CELF2: variants seen among roughly 807,000 people sequenced by gnomAD.
CELF2 encodes the protein CUGBP Elav-like family member 2, also known as CUG triplet repeat RNA-binding protein 2.
CELF2 carries 8 observed loss-of-function variants against 62.6 expected under a neutral mutation model. The ratio of observed to expected loss-of-function variants is 0.13; its 90% CI spans 0.07 to 0.23. The LOEUF is 0.23. Among genes scored for constraint, CELF2 ranks in the 10% least tolerant of loss-of-function variants. The pLI is 1.00. For missense variants in CELF2, 333 were observed against 671.0 expected (o/e 0.50, Z 5.56); for synonymous variants, 258 against 250.0 (o/e 1.03, Z -0.30).
At chr10:11,197,025 A>AAAAGAAAGAAAGAAAG (rs774383276) in intron 2 of CELF2, among the ~76,000 whole-genome samples, 982 of 26,122 alleles carry the variant, frequency 0.038, 237 homozygotes, top group East Asian at 0.085. Flanking sequence ...AGAAAGAAAG[A>AAAAGAAAGAAAGAAAG]AAAGAAAGAA....
the CELF2 span, among the ~76,000 whole-genome samples, chr10:10,621,506 C>A: frequency 2.6e-5 from 4 of 152,164 alleles, no homozygotes; most frequent in Non-Finnish European, 5.9e-5. Context: ...TCAGCAGGCA[C>A]AGAAATCCCT....
intron 2 of CELF2, among the ~76,000 whole-genome samples, chr10:10,981,853 A>G (rs1329864195): frequency 6.6e-6 from 1 of 152,140 alleles, no homozygotes; most frequent in Non-Finnish European, 1.5e-5. Context: ...ACCGAGGCTT[A>G]GAAAGGCTAC....
At chr10:11,258,896 C>A (rs1045238205) in intron 5 of CELF2, among the ~76,000 whole-genome samples, 2 of 152,162 alleles carry the variant, frequency 1.3e-5, no homozygotes, top group African/African-American at 4.8e-5. Flanking sequence ...ACGTTGGCCA[C>A]GATGGTCTCC....
At chr10:11,232,857 G>T (rs2069329097) in intron 3 of CELF2, among the ~76,000 whole-genome samples, 1 of 152,152 alleles carries the variant, frequency 6.6e-6, no homozygotes, top group Admixed American at 6.6e-5. Context: ...AGAGTCAATT[G>T]TGCCAGGTTC....
At chr10:10,981,245 G>A (rs1335955312) in intron 2 of CELF2, among the ~76,000 whole-genome samples, 2 of 152,090 alleles carry the variant, frequency 1.3e-5, no homozygotes, top group Non-Finnish European at 2.9e-5. Context: ...CTTTCTTTTT[G>A]GTTTGAACTA....
Position 11,255,363 on chromosome 10 carries a change from G to A in CELF2, c.404-2375G>A, listed in dbSNP as rs577304734. ...TGAGCTCCTTCTCTGCACATGAAGC[G>A]GAAGATGGGGCGTGCCATCCTGAGG... On this transcript the variant is annotated intron_variant, in intron 4 of 12. Transcript: ENST00000633077. The surrounding 1 kb of genome is among the most constrained non-coding windows in gnomAD (Gnocchi z 5.5). 3.3e-5 allele frequency among the ~76,000 whole-genome samples: 5 copies of A among 152,190 alleles called. No individual in the cohort carries two copies. The highest frequency in any genetic ancestry group is 3.9e-4 in the East Asian group (2 of 5,166).
the CELF2 span, among the ~76,000 whole-genome samples, chr10:10,781,206 C>T: frequency 6.6e-6 from 1 of 152,120 alleles, no homozygotes; most frequent in Non-Finnish European, 1.5e-5. Context: ...TATGAGTGGC[C>T]CCAGCAGATT....
the CELF2 span, among the ~76,000 whole-genome samples, chr10:10,516,827 C>T: frequency 6.6e-6 from 1 of 152,060 alleles, no homozygotes; most frequent in Admixed American, 6.5e-5. Flanking sequence ...GAGACAAGTC[C>T]CTTTCAGTTC....
chr10:10,825,491 T>G (rs1388870906), intron 1 of CELF2, among the ~76,000 whole-genome samples: 1 of 152,236 alleles, frequency 6.6e-6, no homozygotes, highest in Non-Finnish European at 1.5e-5. Context: ...ATTACAGGCA[T>G]GAGCCACCGC....
chr10:10,857,322 A>C (rs1314331509), intron 1 of CELF2, among the ~76,000 whole-genome samples: 1 of 152,032 alleles, frequency 6.6e-6, no homozygotes, highest in Non-Finnish European at 1.5e-5. Flanking sequence ...AACCAGATGC[A>C]GTGAAAAGAC....
chr10:10,675,223 C>T, the CELF2 span, among the ~76,000 whole-genome samples: 2 of 152,164 alleles, frequency 1.3e-5, no homozygotes, highest in Non-Finnish European at 2.9e-5. Flanking sequence ...GTCCTTATTT[C>T]TCCCTCACTA....
chr10:10,779,363 G>C, the CELF2 span, among the ~76,000 whole-genome samples: 1 of 152,168 alleles, frequency 6.6e-6, no homozygotes, highest in Non-Finnish European at 1.5e-5. Context: ...CCTGCACTTC[G>C]CACATGTAAA....
chr10:10,745,329 C>T, the CELF2 span, among the ~76,000 whole-genome samples: 1 of 152,032 alleles, frequency 6.6e-6, no homozygotes, highest in Non-Finnish European at 1.5e-5. Flanking sequence ...AATTATTTTC[C>T]TTTCATTACT....
chr10:10,997,431 C>G lies in CELF2; in HGVS notation c.89+77432C>G, dbSNP rs1036587112. ...CATATGAATCACCATATTGGTCTCA[C>G]CTTCCAGGAAGGAAGGCTGATGCAC... On this transcript the variant is annotated intron_variant, in intron 2 of 13. Coordinates refer to the CELF2 transcript ENST00000636488. This position sits in a 1 kb window ranked among gnomAD's most constrained non-coding sequence, Gnocchi z 5.3. 7.2e-5 allele frequency among the ~76,000 whole-genome samples: 11 copies of G among 152,204 alleles called. No individual in the cohort carries two copies. Among genetic ancestry groups the G allele is most frequent in the Admixed American group, 5.2e-4 (8 of 15,282 alleles).
At chr10:10,634,862 C>T in the CELF2 span, among the ~76,000 whole-genome samples, 1 of 152,180 alleles carries the variant, frequency 6.6e-6, no homozygotes, top group Admixed American at 6.5e-5. Context: ...GGGGTTTCCC[C>T]ATGTTCCCCA....
chr10:11,021,843 T>C (rs1486277037), intron 1 of CELF2, among the ~76,000 whole-genome samples: 1 of 152,246 alleles, frequency 6.6e-6, no homozygotes, highest in African/African-American at 2.4e-5. Flanking sequence ...AACTGTGCCA[T>C]GTGAGAATGA....
the CELF2 span, among the ~76,000 whole-genome samples, chr10:10,472,183 T>A: frequency 6.6e-6 from 1 of 151,954 alleles, no homozygotes; most frequent in African/African-American, 2.4e-5. Context: ...TTCAAAATAT[T>A]TTCATGCTTG....
In CELF2 at chr10:11,079,750, C is replaced by CCG. The variant is rs35999378; in HGVS notation, c.74+61588_74+61589insGC. ...AGAATGGACTAATACAGCCCCCCCC[C>CCG]CCTTTTTAGGCCATGGAATCTAGCA... On this transcript the variant is annotated intron_variant, in intron 1 of 12. Transcript: ENST00000633077. Among the ~76,000 whole-genome samples the CCG allele has an allele frequency of 3.4e-5, 5 of 146,186 alleles. No homozygotes were observed. The South Asian group carries it at 1.1e-3, about 32-fold the overall frequency.
At chr10:10,524,164 G>C in the CELF2 span, among the ~76,000 whole-genome samples, 16,238 of 152,042 alleles carry the variant, frequency 0.11, 980 homozygotes, top group East Asian at 0.23. Context: ...GGGGGAAGAT[G>C]AAAATCATAG....
Sources: allele counts gnomAD v4.1 joint callset (sites outside exome capture counted in the v4.1 genomes callset), GRCh38; gene constraint gnomAD v4.1.1; non-coding constraint Gnocchi (gnomAD v3.1); transcripts MANE v1.5; gene names NCBI Gene and HGNC (gene_info 2026-07-23, HGNC 2026-07-21).